Variants in BDP1 observed in about 807,000 individuals in gnomAD.
BDP1 encodes the protein transcription factor TFIIIB component B'' homolog.
In BDP1, 169 loss-of-function variants were observed where a neutral mutation model predicts 266.6. The observed-to-expected ratio is 0.63, with a 90% CI of 0.56 to 0.72. The LOEUF (loss-of-function observed/expected upper bound fraction) is 0.72. BDP1 is among the 30% of genes least tolerant of loss of function. The pLI is 0.00. For missense variants in BDP1, 3,015 were observed against 3,053.8 expected (o/e 0.99, Z 0.30); for synonymous variants, 1,090 against 1,022.4 (o/e 1.07, Z -1.26).
At chr5:71,511,255 C>T in intron 17 of BDP1, 104 bp downstream of exon 17, 1 of 1,120,664 alleles carries the variant, frequency 8.9e-7, no homozygotes. Context: ...ACTTAAAAAT[C>T]TCTAAAAGTC....
chr5:71,538,409 G>C (rs1207805960), intron 26 of BDP1, among the ~76,000 whole-genome samples: 1 of 152,152 alleles, frequency 6.6e-6, no homozygotes, highest in Non-Finnish European at 1.5e-5. Flanking sequence ...TGGGAGGAAG[G>C]AGAGAGAAAG....
At chr5:71,552,269 G>C (rs183429107) in intron 34 of BDP1, among the ~76,000 whole-genome samples, 1 of 151,354 alleles carries the variant, frequency 6.6e-6, no homozygotes, top group Admixed American at 6.6e-5. Context: ...ATGGGCGGCC[G>C]GGCAGAGACG....
chr5:71,508,338 C>G (rs991144186), intron 16 of BDP1, among the ~76,000 whole-genome samples: 3 of 150,836 alleles, frequency 2.0e-5, no homozygotes, highest in Non-Finnish European at 4.4e-5. Context: ...GGATCTTGCT[C>G]TCTTGCCCAA....
chr5:71,525,269 C>T (rs1249077094), intron 25 of BDP1, among the ~76,000 whole-genome samples: 3 of 132,018 alleles, frequency 2.3e-5, no homozygotes, highest in African/African-American at 8.6e-5. Context: ...GGGGGCTGAC[C>T]CCCCCCACCT....
chr5:71,541,010 T>C (rs1766932548), intron 28 of BDP1, among the ~76,000 whole-genome samples: 2 of 152,202 alleles, frequency 1.3e-5, no homozygotes. Context: ...GTCTCTGATT[T>C]GTGTTCTGTA....
rs528058386 is a variant in BDP1 at position 71,553,052 on chromosome 5, TA to T, written c.6996-54del. On this transcript the variant is annotated intron_variant, in intron 34 of 38. Coordinates refer to ENST00000358731, the MANE Select transcript of BDP1 (RefSeq NM_018429.3). ...TATTGGAAGGATTTCTAGGATCCTT[TA>T]AAAAAAAAAGTGTTAAATAACTTCT... 11,377 of 1,110,344 alleles carry T rather than the reference TA, an allele frequency of 0.01. 176 individuals are homozygous for T. The highest frequency in any genetic ancestry group is 0.073 in the African/African-American group (4,585 of 62,974). 68.8% of individuals were successfully genotyped at this position (1,110,344 alleles called of 1,614,324 possible). A position where few individuals can be genotyped will look rare whatever the true frequency, so the allele number is the denominator to read the frequency against.
chr5:71,474,846 GA>G (rs35692248), intron 7 of BDP1, among the ~76,000 whole-genome samples: 16 of 104,264 alleles, frequency 1.5e-4, no homozygotes, highest in East Asian at 2.7e-4. Flanking sequence ...GACTCTGTCT[GA>G]AAAAAAAAAA....
intron 2 of BDP1, among the ~76,000 whole-genome samples, chr5:71,459,249 T>C (rs1761391332): frequency 6.6e-6 from 1 of 152,198 alleles, no homozygotes; most frequent in Non-Finnish European, 1.5e-5. Flanking sequence ...TGGTGGCTCA[T>C]GCCTGTAATC....
intron 25 of BDP1, among the ~76,000 whole-genome samples, chr5:71,527,860 C>G (rs1016109079): frequency 1.4e-4 from 21 of 148,606 alleles, no homozygotes; most frequent in African/African-American, 4.8e-4. Flanking sequence ...GTTGCCTAGG[C>G]TGGAGTAGAG....
chr5:71,533,552 A>G (rs1199031603), intron 26 of BDP1, among the ~76,000 whole-genome samples: 1 of 148,062 alleles, frequency 6.8e-6, no homozygotes, highest in Admixed American at 6.9e-5. Flanking sequence ...TACAGCTTTG[A>G]CCTCCTGAGT....
chr5:71,518,860 A>G (rs1005632594), intron 22 of BDP1, among the ~76,000 whole-genome samples: 9 of 140,076 alleles, frequency 6.4e-5, no homozygotes, highest in South Asian at 4.5e-4. Context: ...TTTTGGAGAC[A>G]GAGTCTCAGA....
intron 23 of BDP1, 120 bp from the exon 24 acceptor site, chr5:71,522,636 A>G (rs1765563164): frequency 8.4e-7 from 1 of 1,190,796 alleles, no homozygotes; most frequent in South Asian, 1.5e-5. Context: ...GTTGTAAAAG[A>G]TGAGCAACCA....
intron 15 of BDP1, 78 bp downstream of exon 15, chr5:71,502,869 A>T: frequency 1.0e-6 from 1 of 990,178 alleles, no homozygotes; most frequent in East Asian, 2.4e-5. Context: ...TCACCCACAT[A>T]CTTACATACA....
intron 19 of BDP1, among the ~76,000 whole-genome samples, chr5:71,513,837 A>G (rs954586759): frequency 6.6e-5 from 10 of 151,922 alleles, no homozygotes; most frequent in Non-Finnish European, 1.0e-4. Context: ...CTCCTGCCTC[A>G]GCCTCCTGAA....
intron 2 of BDP1, among the ~76,000 whole-genome samples, chr5:71,460,824 A>G (rs1761509063): frequency 6.6e-6 from 1 of 152,036 alleles, no homozygotes; most frequent in Non-Finnish European, 1.5e-5. Flanking sequence ...AAGATTAAAC[A>G]TTTGCTTCAA....
Position 71,564,754 on chromosome 5 carries a change from G to A in BDP1, c.7744G>A (p.Val2582Ile). The change falls in exon 39 of 39, where the codon GTT (valine) becomes ATT (isoleucine). Residue 2582 changes from valine (V) to isoleucine (I), a missense_variant and splice_region_variant. Coordinates refer to ENST00000358731, the MANE Select transcript of BDP1 (RefSeq NM_018429.3). Reference protein sequence around the residue: ...SENISSSATQVSCDQPLLKEG... With the variant: ...SENISSSATQISCDQPLLKEG... Reference sequence around the variant, plus strand: ...TACTTTATTTTTATTACCTTTTTAGGTTTCTTGTGATCAGCCCTTACTGAA... The same window carrying A: ...TACTTTATTTTTATTACCTTTTTAGATTTCTTGTGATCAGCCCTTACTGAA... 3 of 1,594,026 alleles carry A rather than the reference G, an allele frequency of 1.9e-6. No individual in the cohort carries two copies. The highest frequency in any genetic ancestry group is 2.6e-6 in the Non-Finnish European group (3 of 1,175,144).
intron 35 of BDP1, among the ~76,000 whole-genome samples, chr5:71,553,765 C>T (rs1243170797): frequency 6.6e-6 from 1 of 152,152 alleles, no homozygotes. Context: ...GCCTTTAGTG[C>T]CCCACATTGT....
intron 7 of BDP1, among the ~76,000 whole-genome samples, chr5:71,477,444 T>A (rs2150380796): frequency 6.6e-6 from 1 of 152,276 alleles, no homozygotes; most frequent in South Asian, 2.1e-4. Context: ...ACACTGCACT[T>A]AGCCCTATAT....
Position 71,513,246 on chromosome 5 carries a change from C to T in BDP1, c.4309C>T (p.Arg1437Ter), listed in dbSNP as rs777807458. The T allele has an allele frequency of 2.5e-6, 4 of 1,613,360 alleles. No individual in the cohort carries two copies. Among genetic ancestry groups the T allele is most frequent in the East Asian group, 2.2e-5 (1 of 44,856 alleles). Reference sequence around the variant, plus strand: ...TAAACCAGCACCTTTTGTGAGGAGCCGATTCAAAAGACCAAAACCAAACTT... The same window carrying T: ...TAAACCAGCACCTTTTGTGAGGAGCTGATTCAAAAGACCAAAACCAAACTT... ...EIKPAPFVRS[R>*]FKRPKPNLAR... The change falls in exon 19 of 39, where the codon CGA (arginine) becomes TGA (stop). Residue 1437 changes from arginine to a stop codon, truncating the protein, a stop_gained. Coordinates refer to ENST00000358731, the MANE Select transcript of BDP1 (RefSeq NM_018429.3). LOFTEE classifies it high-confidence loss of function.
Sources: allele counts gnomAD v4.1 joint callset (sites outside exome capture counted in the v4.1 genomes callset), GRCh38; gene constraint gnomAD v4.1.1; transcripts MANE v1.5; gene names NCBI Gene and HGNC (gene_info 2026-07-23, HGNC 2026-07-21).